Variants in CDH8 observed in about 807,000 individuals in gnomAD.
CDH8 encodes the protein cadherin 8.
In CDH8, 17 loss-of-function variants were observed where a neutral mutation model predicts 68.1. The ratio of observed to expected loss-of-function variants is 0.25; its 90% CI spans 0.17 to 0.37. The LOEUF is 0.37. Among genes scored for constraint, CDH8 ranks in the 10% least tolerant of loss-of-function variants. CDH8 has a pLI of 1.00. For missense variants in CDH8, 763 were observed against 999.3 expected, an observed-to-expected ratio of 0.76 and a Z score of 3.19; for synonymous variants, 372 against 365.1, an observed-to-expected ratio of 1.02 and a Z score of -0.21.
intron 2 of CDH8, among the ~76,000 whole-genome samples, chr16:62,008,951 AC>A (rs2150602487): frequency 6.6e-6 from 1 of 151,912 alleles, no homozygotes; most frequent in African/African-American, 2.4e-5. Context: ...GCACACACAC[AC>A]ACACACACAC....
At chr16:61,926,811 C>G (rs1161478787) in intron 2 of CDH8, among the ~76,000 whole-genome samples, 3 of 152,030 alleles carry the variant, frequency 2.0e-5, no homozygotes, top group Non-Finnish European at 4.4e-5. Flanking sequence ...GAGCTAATGG[C>G]AAGGTTTGGG....
chr16:61,669,510 T>C (rs1963748657), intron 10 of CDH8, among the ~76,000 whole-genome samples: 1 of 152,098 alleles, frequency 6.6e-6, no homozygotes, highest in Admixed American at 6.6e-5. Flanking sequence ...AAGATTTCAA[T>C]TAATCCTTGA....
chr16:61,857,278 A>G, intron 3 of CDH8, 40 bp from the exon 4 acceptor site: 1 of 1,566,482 alleles, frequency 6.4e-7, no homozygotes, highest in Non-Finnish European at 8.7e-7. Flanking sequence ...TAATTAACAC[A>G]TTGTCCTTTG....
rs1961326305 is a variant in CDH8 at position 61,789,470 on chromosome 16, G to A, written c.1290C>T (p.Asp430=). The A allele has an allele frequency of 1.2e-6, 2 of 1,612,504 alleles. No homozygotes were observed. The highest frequency in any genetic ancestry group is 4.5e-5 in the East Asian group (2 of 44,824). ...ACTGCCTCTCCAGGTCAGTGTGCCGGTCGATGGAAAACCTACAAAACAGAC... is the reference window on the plus strand; with the variant it reads ...ACTGCCTCTCCAGGTCAGTGTGCCGATCGATGGAAAACCTACAAAACAGAC... ...ITSSPIRFSI[D]RHTDLERQFN... Residue 430 remains aspartate (D), a synonymous_variant, in exon 8 of 12, where the codon GAC becomes GAT. Transcript: ENST00000577390.
At chr16:61,848,874 A>G (rs991637699) in intron 4 of CDH8, among the ~76,000 whole-genome samples, 3 of 152,124 alleles carry the variant, frequency 2.0e-5, no homozygotes, top group African/African-American at 4.8e-5. Context: ...TTAATTCATT[A>G]ATTTGCCCAA....
At chr16:61,828,218 G>A (rs1035898931) in intron 4 of CDH8, among the ~76,000 whole-genome samples, 7 of 151,802 alleles carry the variant, frequency 4.6e-5, no homozygotes, top group Non-Finnish European at 8.8e-5. Flanking sequence ...CGAATGCCAC[G>A]GCAACTTCAG....
chr16:61,876,443 A>AT (rs1822818641), intron 3 of CDH8, among the ~76,000 whole-genome samples: 1 of 152,088 alleles, frequency 6.6e-6, no homozygotes, highest in East Asian at 1.9e-4. Context: ...CCTCCTTCCC[A>AT]TTCATTATAA....
At chr16:61,912,156 C>T (rs919482636) in intron 2 of CDH8, among the ~76,000 whole-genome samples, 3 of 151,780 alleles carry the variant, frequency 2.0e-5, no homozygotes, top group Non-Finnish European at 2.9e-5. Context: ...TATGAAATTC[C>T]GTATTTATAA....
intron 1 of CDH8, among the ~76,000 whole-genome samples, chr16:62,034,256 A>T (rs952572023): frequency 6.6e-6 from 1 of 152,040 alleles, no homozygotes; most frequent in African/African-American, 2.4e-5. Context: ...GACACAGCTG[A>T]TGCAAAGCAA....
At chr16:62,001,812 C>G (rs1260901520) in intron 2 of CDH8, among the ~76,000 whole-genome samples, 1 of 152,110 alleles carries the variant, frequency 6.6e-6, no homozygotes, top group Non-Finnish European at 1.5e-5. Flanking sequence ...CTAATGCTAT[C>G]CCTTCCCCCT....
intron 4 of CDH8, among the ~76,000 whole-genome samples, chr16:61,843,679 T>A (rs188402121): frequency 2.6e-5 from 4 of 152,298 alleles, no homozygotes; most frequent in East Asian, 1.9e-4. Context: ...GTTTGTTTTT[T>A]AAAAAAAGTT....
chr16:61,656,010 C>G (rs1296440393), intron 10 of CDH8, among the ~76,000 whole-genome samples: 1 of 151,890 alleles, frequency 6.6e-6, no homozygotes, highest in Non-Finnish European at 1.5e-5. Flanking sequence ...GCAGCTGGGA[C>G]TACAGGTGCC....
rs1427361669 is a variant in CDH8, at chr16:62,009,592, G to A, written c.252+11560C>T. Among the ~76,000 whole-genome samples the A allele has an allele frequency of 2.0e-5, 3 of 152,108 alleles. No homozygotes were observed. The East Asian group carries it at 5.8e-4, about 29-fold the overall frequency. ...TTTTCATTCCACTCTTCTTTTTGGTGTTCTGGGATTCTCACTTTAAGAAGA... is the reference window on the plus strand; with the variant it reads ...TTTTCATTCCACTCTTCTTTTTGGTATTCTGGGATTCTCACTTTAAGAAGA... On this transcript the variant is annotated intron_variant, in intron 2 of 11. Transcript: ENST00000577390.
chr16:62,023,198 G>C (rs1217485115), intron 1 of CDH8, among the ~76,000 whole-genome samples: 1 of 152,110 alleles, frequency 6.6e-6, no homozygotes, highest in African/African-American at 2.4e-5. Context: ...CCAAATATTT[G>C]TATCTTTCTG....
Position 61,731,233 on chromosome 16 carries a change from A to G in CDH8, c.1415-4018T>C, listed in dbSNP as rs916119740. 4.6e-5 allele frequency among the ~76,000 whole-genome samples: 7 copies of G among 151,732 alleles called. 1 individual carries two copies. The highest frequency in any genetic ancestry group is 1.4e-4 in the African/African-American group (6 of 41,408). ...AAGACAAATGAGAGAGTGTTGGTAG[A>G]TCTGGTAGATTCACTGGAGAGAGAG... On this transcript the variant is annotated intron_variant, in intron 8 of 11. Coordinates refer to ENST00000577390, the MANE Select transcript of CDH8 (RefSeq NM_001796.5).
intron 4 of CDH8, among the ~76,000 whole-genome samples, chr16:61,828,179 T>C (rs1962382676): frequency 6.6e-6 from 1 of 151,514 alleles, no homozygotes; most frequent in South Asian, 2.1e-4. Context: ...TCCTTACTAC[T>C]GCACTCCCAC....
At chr16:61,883,177 G>A (rs114807466) in intron 3 of CDH8, among the ~76,000 whole-genome samples, 131 of 152,138 alleles carry the variant, frequency 8.6e-4, no homozygotes, top group African/African-American at 3.0e-3. Flanking sequence ...ATACCAAAAC[G>A]TAAACATGCA....
intron 2 of CDH8, among the ~76,000 whole-genome samples, chr16:61,920,307 T>C (rs1247333311): frequency 1.5e-5 from 2 of 129,830 alleles, no homozygotes; most frequent in Non-Finnish European, 3.2e-5. Context: ...ACCATCAGAG[T>C]GAACAGGCAA....
In CDH8 at chr16:61,650,416, C is replaced by T. The variant is rs1963293881; in HGVS notation, c.*3192G>A. ...CTCACTTGGCTCCAACTTAATCATT[C>T]TTCTCTATTTAGCAGAGAGTACTCT... On this transcript the variant is annotated 3_prime_UTR_variant, in exon 12 of 12. Coordinates refer to ENST00000577390, the MANE Select transcript of CDH8 (RefSeq NM_001796.5). The T allele has an allele frequency of 6.6e-6, 1 of 152,054 alleles. No individual in the cohort carries two copies. 9.4% of individuals were successfully genotyped at this position (152,054 alleles called of 1,614,324 possible). A position where few individuals can be genotyped will look rare whatever the true frequency, so the allele number is the denominator to read the frequency against.
Sources: gnomAD v4.1 joint callset for allele counts (sites outside exome capture counted in the v4.1 genomes callset) on GRCh38, gnomAD v4.1.1 for gene constraint, MANE v1.5 for transcripts, NCBI Gene and HGNC (gene_info 2026-07-23, HGNC 2026-07-21) for gene names.